Variants in PPARGC1A observed in about 807,000 individuals in gnomAD.
The protein encoded by PPARGC1A is PPARG coactivator 1 alpha.
Under a neutral mutation model 88.7 loss-of-function variants are expected in PPARGC1A, and 25 were observed. The observed-to-expected ratio is 0.28, with a 90% CI of 0.21 to 0.39. The LOEUF (loss-of-function observed/expected upper bound fraction) is 0.39, where lower values mean the gene tolerates loss of function less well. Among genes scored for constraint, PPARGC1A ranks in the 10% least tolerant of loss-of-function variants. The pLI, the probability that PPARGC1A is intolerant of heterozygous loss-of-function variation, is 1.00. For missense variants in PPARGC1A, 880 were observed against 968.7 expected (o/e 0.91, Z 1.22); for synonymous variants, 363 against 355.6 (o/e 1.02, Z -0.24).
chr4:23,997,884 T>A, the PPARGC1A span, among the ~76,000 whole-genome samples: 1 of 152,194 alleles, frequency 6.6e-6, no homozygotes, highest in African/African-American at 2.4e-5. Context: ...AGTAAATACA[T>A]AAAGCTTCAG....
chr4:24,181,247 G>T, the PPARGC1A span, among the ~76,000 whole-genome samples: 64 of 152,270 alleles, frequency 4.2e-4, 1 homozygote, highest in African/African-American at 1.5e-3. Flanking sequence ...AGTGATCATA[G>T]CCCAGTTGTG....
the PPARGC1A span, among the ~76,000 whole-genome samples, chr4:24,215,239 T>G: frequency 6.6e-6 from 1 of 152,210 alleles, no homozygotes; most frequent in East Asian, 1.9e-4. Context: ...CAGCATCTTG[T>G]CAGCCCATAC....
the PPARGC1A span, among the ~76,000 whole-genome samples, chr4:24,161,924 A>T: frequency 6.6e-6 from 1 of 151,352 alleles, no homozygotes; most frequent in East Asian, 2.0e-4. Flanking sequence ...ACCAGCCCAA[A>T]TGCCCATCTC....
chr4:24,119,776 C>A, the PPARGC1A span, among the ~76,000 whole-genome samples: 1 of 152,196 alleles, frequency 6.6e-6, no homozygotes, highest in South Asian at 2.1e-4. Context: ...ACTGTGTAAG[C>A]CACTCTCTAC....
chr4:23,874,339 G>A (rs890249801), intron 2 of PPARGC1A, among the ~76,000 whole-genome samples: 3 of 152,180 alleles, frequency 2.0e-5, no homozygotes, highest in African/African-American at 7.2e-5. Context: ...AGAAACAGAT[G>A]TGCAGTGTGA....
the PPARGC1A span, among the ~76,000 whole-genome samples, chr4:23,914,806 A>G: frequency 6.6e-6 from 1 of 152,220 alleles, no homozygotes; most frequent in Non-Finnish European, 1.5e-5. Flanking sequence ...CACTGACACA[A>G]ACAAAAAGCA....
the PPARGC1A span, among the ~76,000 whole-genome samples, chr4:23,959,082 A>G: frequency 6.6e-6 from 1 of 152,038 alleles, no homozygotes; most frequent in African/African-American, 2.4e-5. Flanking sequence ...TTCTATGCTC[A>G]GTTCTGTTCC....
At chr4:24,424,699 G>C in the PPARGC1A span, among the ~76,000 whole-genome samples, 2 of 152,166 alleles carry the variant, frequency 1.3e-5, no homozygotes, top group Non-Finnish European at 2.9e-5. Context: ...TCCCAAGCGA[G>C]ATGCACTATA....
chr4:24,290,991 C>T, the PPARGC1A span, among the ~76,000 whole-genome samples: 1 of 152,136 alleles, frequency 6.6e-6, no homozygotes, highest in Middle Eastern at 3.2e-3. Flanking sequence ...CTACTTTCTC[C>T]ACCCTCCATT....
At chr4:23,887,119 T>G (rs564942872) in intron 1 of PPARGC1A, among the ~76,000 whole-genome samples, 2 of 152,310 alleles carry the variant, frequency 1.3e-5, no homozygotes, top group South Asian at 4.1e-4. Context: ...TGAAAACCAT[T>G]GAAAAGACCA....
At chr4:24,200,744 T>C in the PPARGC1A span, among the ~76,000 whole-genome samples, 1 of 151,904 alleles carries the variant, frequency 6.6e-6, no homozygotes, top group Non-Finnish European at 1.5e-5. Context: ...TTCTTAGGCA[T>C]TTGCATTTGC....
the PPARGC1A span, among the ~76,000 whole-genome samples, chr4:24,266,166 G>A: frequency 6.6e-6 from 1 of 152,188 alleles, no homozygotes; most frequent in African/African-American, 2.4e-5. Context: ...TTAACTAACA[G>A]GGACACTGCA....
the PPARGC1A span, among the ~76,000 whole-genome samples, chr4:24,276,717 T>C: frequency 1.4e-4 from 21 of 152,302 alleles, no homozygotes; most frequent in East Asian, 1.2e-3. Context: ...AACTCAAATA[T>C]ACCTAAGAGA....
At chr4:24,358,606 C>T in the PPARGC1A span, among the ~76,000 whole-genome samples, 1 of 152,216 alleles carries the variant, frequency 6.6e-6, no homozygotes, top group African/African-American at 2.4e-5. Context: ...ATCTCTTTCC[C>T]CTTGATAAAA....
At chr4:23,933,721 T>C in the PPARGC1A span, among the ~76,000 whole-genome samples, 7 of 152,220 alleles carry the variant, frequency 4.6e-5, no homozygotes, top group Admixed American at 3.3e-4. Context: ...TGCCCACTTA[T>C]TAATAATCAT....
the PPARGC1A span, among the ~76,000 whole-genome samples, chr4:24,369,637 T>C: frequency 3.9e-5 from 6 of 152,174 alleles, no homozygotes; most frequent in Admixed American, 3.3e-4. Context: ...TCATTCACTT[T>C]TTAAAAACAT....
the PPARGC1A span, among the ~76,000 whole-genome samples, chr4:24,247,972 C>T: frequency 6.6e-6 from 1 of 152,102 alleles, no homozygotes; most frequent in Non-Finnish European, 1.5e-5. Context: ...CCTTCCCTTT[C>T]CAAAAGATAT....
chr4:24,193,295 A>G, the PPARGC1A span, among the ~76,000 whole-genome samples: 1 of 152,220 alleles, frequency 6.6e-6, no homozygotes, highest in Non-Finnish European at 1.5e-5. Context: ...TCAGTTTTCA[A>G]TGACTTGGAT....
the PPARGC1A span, among the ~76,000 whole-genome samples, chr4:24,293,180 ACTC>A: frequency 5.2e-4 from 1 of 1,924 alleles, no homozygotes; most frequent in African/African-American, 3.8e-3. Flanking sequence ...CCTCAGCCCC[ACTC>A]CTGCCTGTGC....
Sources: gnomAD v4.1 joint callset for allele counts (sites outside exome capture counted in the v4.1 genomes callset) on GRCh38, gnomAD v4.1.1 for gene constraint, MANE v1.5 for transcripts, NCBI Gene and HGNC (gene_info 2026-07-23, HGNC 2026-07-21) for gene names.